The following BMAL1 variants were observed in gnomAD, a reference collection of about 807,000 sequenced individuals.
BMAL1 encodes basic helix-loop-helix ARNT like 1.
the BMAL1 span, among the ~76,000 whole-genome samples, chr11:13,292,546 CAAA>C: frequency 3.6e-5 from 3 of 84,094 alleles, no homozygotes; most frequent in Non-Finnish European, 8.9e-5. Flanking sequence ...GACTCCATCT[CAAA>C]AAAAAAAAAA....
chr11:13,366,679 T>C, the BMAL1 span: 4 of 1,613,740 alleles, frequency 2.5e-6, no homozygotes, highest in African/African-American at 5.3e-5. Flanking sequence ...ATCTGATTGG[T>C]CAGAGTTTGT....
chr11:13,375,570 T>C, the BMAL1 span: 1 of 1,503,404 alleles, frequency 6.7e-7, no homozygotes, highest in Non-Finnish European at 8.9e-7. Context: ...AATACTTTGG[T>C]CTGAGAAAAC....
At chr11:13,286,859 G>T in the BMAL1 span, among the ~76,000 whole-genome samples, 1 of 152,162 alleles carries the variant, frequency 6.6e-6, no homozygotes, top group African/African-American at 2.4e-5. Flanking sequence ...ATAAAATATA[G>T]TTATAAGTGC....
chr11:13,385,422 A>C, the BMAL1 span, among the ~76,000 whole-genome samples: 1 of 152,208 alleles, frequency 6.6e-6, no homozygotes, highest in Non-Finnish European at 1.5e-5. Context: ...GGGCATCATG[A>C]TTCCAGGCAG....
chr11:13,378,388 G>A, the BMAL1 span: 6 of 1,613,166 alleles, frequency 3.7e-6, no homozygotes, highest in African/African-American at 4.0e-5. Context: ...GGGGGAACCC[G>A]GGCTGGGGCA....
the BMAL1 span, among the ~76,000 whole-genome samples, chr11:13,382,684 T>G: frequency 6.6e-6 from 1 of 152,230 alleles, no homozygotes; most frequent in Non-Finnish European, 1.5e-5. Context: ...TTACCAAGGA[T>G]TCTACTTCTT....
chr11:13,354,207 A>AAACCC, the BMAL1 span: 4 of 205,812 alleles, frequency 1.9e-5, no homozygotes, highest in South Asian at 4.4e-5. Context: ...CCGGCCCCCC[A>AAACCC]CCACCAAACC....
At chr11:13,335,233 C>T in the BMAL1 span, among the ~76,000 whole-genome samples, 3 of 152,206 alleles carry the variant, frequency 2.0e-5, no homozygotes, top group African/African-American at 7.2e-5. Flanking sequence ...ATGGACATAA[C>T]AGTCCTTGGC....
chr11:13,321,271 T>C, the BMAL1 span, among the ~76,000 whole-genome samples: 1 of 152,178 alleles, frequency 6.6e-6, no homozygotes, highest in Non-Finnish European at 1.5e-5. Context: ...ATATAAGTTC[T>C]TTTGGGTTGC....
the BMAL1 span, among the ~76,000 whole-genome samples, chr11:13,376,931 T>C: frequency 3.3e-5 from 5 of 152,142 alleles, no homozygotes; most frequent in African/African-American, 1.2e-4. Context: ...TACTAGGAGC[T>C]CACTGCTGCA....
the BMAL1 span, among the ~76,000 whole-genome samples, chr11:13,322,067 G>A: frequency 2.0e-5 from 3 of 152,216 alleles, no homozygotes; most frequent in African/African-American, 7.2e-5. Context: ...GGGCAGGCCT[G>A]AGTGAGCATC....
the BMAL1 span, among the ~76,000 whole-genome samples, chr11:13,308,046 G>A: frequency 6.6e-6 from 1 of 152,150 alleles, no homozygotes; most frequent in African/African-American, 2.4e-5. Flanking sequence ...TTAGGAGACT[G>A]TCGCAGCAAT....
chr11:13,356,795 A>G, the BMAL1 span: 2 of 1,614,126 alleles, frequency 1.2e-6, no homozygotes, highest in Non-Finnish European at 1.7e-6. Context: ...GAACCTAGTA[A>G]TTTGAACTTC....
At chr11:13,333,187 G>C in the BMAL1 span, among the ~76,000 whole-genome samples, 1 of 152,032 alleles carries the variant, frequency 6.6e-6, no homozygotes, top group East Asian at 1.9e-4. Context: ...GGCTGGTCTC[G>C]AACTCCTGAC....
chr11:13,325,472 A>T, the BMAL1 span, among the ~76,000 whole-genome samples: 5 of 151,774 alleles, frequency 3.3e-5, no homozygotes, highest in East Asian at 9.7e-4. Flanking sequence ...TTGTTTAAAG[A>T]ATACCTAGAC....
the BMAL1 span, among the ~76,000 whole-genome samples, chr11:13,329,103 G>A: frequency 6.6e-6 from 1 of 152,126 alleles, no homozygotes; most frequent in African/African-American, 2.4e-5. Flanking sequence ...CCGCTCTCAT[G>A]GTGCTCACAT....
chr11:13,337,456 A>G, the BMAL1 span, among the ~76,000 whole-genome samples: 1 of 152,236 alleles, frequency 6.6e-6, no homozygotes, highest in Non-Finnish European at 1.5e-5. Flanking sequence ...ATGCCAGTGC[A>G]TATCTATTAA....
the BMAL1 span, among the ~76,000 whole-genome samples, chr11:13,326,905 T>C: frequency 5.9e-5 from 9 of 152,050 alleles, no homozygotes; most frequent in East Asian, 5.9e-4. Context: ...CTGCAAGCTC[T>C]GCTTCCCGGG....
At chr11:13,357,800 C>T in the BMAL1 span, among the ~76,000 whole-genome samples, 1 of 152,228 alleles carries the variant, frequency 6.6e-6, no homozygotes, top group Non-Finnish European at 1.5e-5. The surrounding 1 kb of genome is among the most constrained non-coding windows in gnomAD (Gnocchi z 4.8). Context: ...AGGACCATCA[C>T]CAATGGCAGG....
Sources: allele counts gnomAD v4.1 joint callset (sites outside exome capture counted in the v4.1 genomes callset), GRCh38; gene constraint gnomAD v4.1.1; non-coding constraint Gnocchi (gnomAD v3.1); transcripts MANE v1.5; gene names NCBI Gene and HGNC (gene_info 2026-07-23, HGNC 2026-07-21).